Variants in PKHD1L1 observed in about 807,000 individuals in gnomAD.
PKHD1L1 encodes PKHD1 like 1.
Under a neutral mutation model 462.9 loss-of-function variants are expected in PKHD1L1, and 434 were observed. The ratio of observed to expected loss-of-function variants is 0.94; its 90% CI spans 0.87 to 1.02. The LOEUF (loss-of-function observed/expected upper bound fraction) is 1.02. PKHD1L1 is among the 50% of genes least tolerant of loss of function. The probability of loss-of-function intolerance (pLI) is 0.00; values close to 1 mark genes in which losing one functional copy is unlikely to be tolerated. For missense variants in PKHD1L1, 5,202 were observed against 5,096.1 expected (o/e 1.02, Z -0.63); for synonymous variants, 1,781 against 1,750.0 (o/e 1.02, Z -0.44).
intron 50 of PKHD1L1, among the ~76,000 whole-genome samples, chr8:109,469,637 A>C (rs1462378820): frequency 6.6e-6 from 1 of 152,168 alleles, no homozygotes; most frequent in East Asian, 1.9e-4. Flanking sequence ...ATTTAATTTT[A>C]AAACATTTTT....
Position 109,518,409 on chromosome 8 carries a change from A to G in PKHD1L1, c.11932A>G (p.Ile3978Val), listed in dbSNP as rs933654092. Residue 3978 changes from isoleucine (I) to valine (V), a missense_variant, in exon 73 of 78, where the codon ATA (isoleucine) becomes GTA (valine). Physicochemically the swap from Ile to Val is conservative, Grantham distance 29. Around this residue, in one of 3 missense-constraint regions of PKHD1L1, gnomAD observed 698 missense variants for 736.3 expected, o/e 0.95. Coordinates refer to ENST00000378402, the MANE Select transcript of PKHD1L1 (RefSeq NM_177531.6). ...IPSDKIRISK[I>V]RGKSLRRKRS... is the part of the protein sequence containing the mutation. ...AAGTGACAAAATCCGTATCAGCAAA[A>G]TAAGAGGGAAGAGTCTGAGGAGGAA... The G allele has an allele frequency of 1.2e-6, 2 of 1,613,064 alleles. No individual in the cohort carries two copies. The highest frequency in any genetic ancestry group is 1.7e-6 in the Non-Finnish European group (2 of 1,179,568).
chr8:109,429,523 A>C, intron 26 of PKHD1L1, 61 bp downstream of exon 26: 1 of 1,490,108 alleles, frequency 6.7e-7, no homozygotes, highest in Non-Finnish European at 9.1e-7. Context: ...CTAGTTTGTA[A>C]TATGTTAAAG....
At chr8:109,460,222 T>G (rs1361389518) in intron 47 of PKHD1L1, among the ~76,000 whole-genome samples, 1 of 152,144 alleles carries the variant, frequency 6.6e-6, no homozygotes, top group Non-Finnish European at 1.5e-5. Flanking sequence ...ACTGCATTAT[T>G]TATATTTACT....
chr8:109,528,187 G>A (rs1452380954), intron 77 of PKHD1L1, among the ~76,000 whole-genome samples: 3 of 152,062 alleles, frequency 2.0e-5, no homozygotes, highest in African/African-American at 7.2e-5. Context: ...GGAAAGGGAG[G>A]GAAAAGGCAC....
chr8:109,526,424 A>G lies in PKHD1L1; in HGVS notation c.12485-360A>G, dbSNP rs189197291. On this transcript the variant is annotated intron_variant, in intron 76 of 77. Transcript: ENST00000378402. The stretch of plus-strand genomic sequence containing the variant: ...ATGCTTCTCTACTGCTAGGTCAAGT[A>G]CGAAGGGATGAAACTGAGATTCAGC... Among the ~76,000 whole-genome samples, 247 of 152,286 alleles carry G rather than the reference A, an allele frequency of 1.6e-3. 2 individuals carry two copies. The highest frequency in any genetic ancestry group is 5.0e-3 in the African/African-American group (206 of 41,558).
intron 76 of PKHD1L1, among the ~76,000 whole-genome samples, chr8:109,525,785 C>T (rs1268489572): frequency 1.3e-5 from 2 of 152,134 alleles, no homozygotes; most frequent in Non-Finnish European, 1.5e-5. Context: ...AATTTTAATA[C>T]ACCATTGTCA....
Position 109,427,549 on chromosome 8 carries a change from G to A in PKHD1L1, c.3000+393G>A, listed in dbSNP as rs183210298. On this transcript the variant is annotated intron_variant, in intron 25 of 77. Transcript: ENST00000378402. Reference sequence around the variant, plus strand: ...TTCTACCACGAGAGCTGTATTTTGGGGCCTTGGATACTTTTGTGGTTATAA... The same window carrying A: ...TTCTACCACGAGAGCTGTATTTTGGAGCCTTGGATACTTTTGTGGTTATAA... Among the ~76,000 whole-genome samples the A allele has an allele frequency of 5.4e-3, 826 of 152,116 alleles. 3 individuals are homozygous for A. The highest frequency in any genetic ancestry group is 0.02 in the Middle Eastern group (6 of 294).
At chr8:109,434,761 G>A (rs900377877) in intron 28 of PKHD1L1, among the ~76,000 whole-genome samples, 4 of 152,116 alleles carry the variant, frequency 2.6e-5, no homozygotes, top group Non-Finnish European at 4.4e-5. Flanking sequence ...GAGCCACCGC[G>A]CCTGCCCTTC....
intron 72 of PKHD1L1, among the ~76,000 whole-genome samples, chr8:109,516,688 C>T (rs372746550): frequency 8.3e-4 from 126 of 152,074 alleles, no homozygotes; most frequent in African/African-American, 2.8e-3. Flanking sequence ...AGAGAGTCAG[C>T]GTTACTACTT....
At position 109,436,953 on chromosome 8, in the gene PKHD1L1, G is replaced by C. The variant is rs543213700; in HGVS notation, c.3627+494G>C. 4.6e-5 allele frequency among the ~76,000 whole-genome samples: 7 copies of C among 152,308 alleles called. No homozygotes were observed. The South Asian group carries it at 1.2e-3, about 27-fold the overall frequency. ...TTTTCCTGAGACGGAGTCTCACTCTGTCACCAGTCTGTAGTGCAATGGCAC... is the reference window on the plus strand; with the variant it reads ...TTTTCCTGAGACGGAGTCTCACTCTCTCACCAGTCTGTAGTGCAATGGCAC... On this transcript the variant is annotated intron_variant, in intron 30 of 77. Transcript: ENST00000378402.
chr8:109,378,508 T>C (rs1466168390), intron 2 of PKHD1L1, among the ~76,000 whole-genome samples: 2 of 152,206 alleles, frequency 1.3e-5, no homozygotes, highest in Non-Finnish European at 2.9e-5. Flanking sequence ...CTACTAAAAA[T>C]GCACTTCCCA....
chr8:109,475,024 C>A, intron 50 of PKHD1L1, 94 bp from the exon 51 acceptor site: 2 of 1,224,440 alleles, frequency 1.6e-6, no homozygotes, highest in Non-Finnish European at 1.1e-6. Context: ...GCTAAACCAA[C>A]CAAACTAAAC....
In PKHD1L1 at chr8:109,470,829, A is replaced by T; in HGVS notation, c.8605+4060A>T. 3 of 1,507,708 alleles carry T rather than the reference A, an allele frequency of 2.0e-6. No homozygotes were observed. In the Admixed American group the frequency reaches 5.3e-5, roughly 27 times the overall value. 93.4% of individuals were successfully genotyped at this position (1,507,708 alleles called of 1,614,324 possible). On this transcript the variant is annotated intron_variant, in intron 50 of 77. Transcript: ENST00000378402. ...ATGAACAAGTTGAAAAGGAAAACACACTAGTTACTTGGATAAGTTCTTTAG... is the reference window on the plus strand; with the variant it reads ...ATGAACAAGTTGAAAAGGAAAACACTCTAGTTACTTGGATAAGTTCTTTAG...
chr8:109,496,276 A>G (rs1424887985), intron 63 of PKHD1L1, among the ~76,000 whole-genome samples: 1 of 152,202 alleles, frequency 6.6e-6, no homozygotes, highest in Non-Finnish European at 1.5e-5. Flanking sequence ...ATCAAGTGAA[A>G]GGAATTTTAA....
At chr8:109,423,026 T>C (rs1028404148) in intron 23 of PKHD1L1, among the ~76,000 whole-genome samples, 1 of 152,210 alleles carries the variant, frequency 6.6e-6, no homozygotes, top group Non-Finnish European at 1.5e-5. Context: ...TACTGTGAAA[T>C]GTCTAGGTAT....
intron 38 of PKHD1L1, among the ~76,000 whole-genome samples, chr8:109,446,682 C>T (rs562703486): frequency 6.6e-6 from 1 of 152,046 alleles, no homozygotes; most frequent in South Asian, 2.1e-4. Context: ...GTAATCATTG[C>T]AAATAATGGC....
At chr8:109,470,585 C>T in intron 50 of PKHD1L1, 1 of 1,587,180 alleles carries the variant, frequency 6.3e-7, no homozygotes, top group Non-Finnish European at 8.6e-7. Flanking sequence ...CAGCATGAGC[C>T]TACTGATGTT....
At position 109,526,815 on chromosome 8, in the gene PKHD1L1, T is replaced by C. The variant is rs1820839681; in HGVS notation, c.12516T>C (p.Asp4172=). 6.4e-7 allele frequency: 1 copy of C among 1,560,856 alleles called. No individual in the cohort carries two copies. Among genetic ancestry groups the C allele is most frequent in the African/African-American group, 1.4e-5 (1 of 73,482 alleles). ...GKNYKIEFIL[D]NVVGVESRTF... Reference sequence around the variant, plus strand: ...ATTATAAGATTGAATTTATACTGGATAATGTTGTTGGGGTAGAATCCAGAA... The same window carrying C: ...ATTATAAGATTGAATTTATACTGGACAATGTTGTTGGGGTAGAATCCAGAA... The change falls in exon 77 of 78, where the codon GAT becomes GAC. Residue 4172 remains aspartate (D), a synonymous_variant. Transcript: ENST00000378402.
chr8:109,372,411 C>T (rs552854321), intron 2 of PKHD1L1, among the ~76,000 whole-genome samples: 3 of 152,164 alleles, frequency 2.0e-5, no homozygotes, highest in Non-Finnish European at 2.9e-5. Flanking sequence ...TGGGCTGAGA[C>T]GACTGGGTTA....
Sources: allele counts gnomAD v4.1 joint callset (sites outside exome capture counted in the v4.1 genomes callset), GRCh38; gene constraint gnomAD v4.1.1; regional missense constraint gnomAD v4.1.1; transcripts MANE v1.5; gene names NCBI Gene and HGNC (gene_info 2026-07-23, HGNC 2026-07-21).